Variants in PUDP observed in about 807,000 individuals in gnomAD.
The protein encoded by PUDP is pseudouridine-5'-phosphatase.
A neutral mutation model predicts 9.4 loss-of-function variants in PUDP; 8 were observed. The observed-to-expected ratio is 0.85, with a 90% confidence interval of 0.50 to 1.53. PUDP has a LOEUF of 1.53. Among genes scored for constraint, PUDP ranks in the 40% most tolerant of loss-of-function variants. The pLI, the probability that PUDP is intolerant of heterozygous loss-of-function variation, is 0.00. For synonymous variants in PUDP, 99 were observed against 80.7 expected (o/e 1.23, Z -1.22); for missense variants, 188 against 189.7 (o/e 0.99, Z 0.05).
intron 1 of PUDP, among the ~76,000 whole-genome samples, chrX:6,719,863 T>C (rs1017397651): frequency 2.7e-5 from 3 of 111,775 alleles, no homozygotes; most frequent in African/African-American, 9.8e-5. Context: ...ATAAGTCACA[T>C]TGATAAACTG....
intron 3 of PUDP, among the ~76,000 whole-genome samples, chrX:6,765,898 C>T (rs967826716): frequency 3.1e-4 from 35 of 111,518 alleles, no homozygotes; most frequent in African/African-American, 1.1e-3. Flanking sequence ...TGAGTGAAGG[C>T]CAAACGGGGT....
chrX:6,747,254 T>TG, intron 3 of PUDP, among the ~76,000 whole-genome samples: 1 of 112,186 alleles, frequency 8.9e-6, no homozygotes, highest in Middle Eastern at 4.6e-3. Context: ...GGGCAGTGTC[T>TG]GTGCTTGAAT....
At chrX:7,099,298 A>AT (rs779350236) in intron 2 of PUDP, among the ~76,000 whole-genome samples, 1 of 112,570 alleles carries the variant, frequency 8.9e-6, no homozygotes, top group Non-Finnish European at 1.9e-5. Flanking sequence ...CTAAGTGAAG[A>AT]TTTTTTTTAA....
intron 3 of PUDP, among the ~76,000 whole-genome samples, chrX:6,935,485 T>C (rs867400067): frequency 0.018 from 181 of 9,991 alleles, 5 homozygotes; most frequent in African/African-American, 0.066. Context: ...TTCAAAGCAG[T>C]GTGTAGAGGG....
At chrX:7,079,732 G>C (rs1024964421) in intron 2 of PUDP, among the ~76,000 whole-genome samples, 3 of 112,292 alleles carry the variant, frequency 2.7e-5, no homozygotes, top group Non-Finnish European at 5.6e-5. Context: ...AATCACAAAG[G>C]GAAACTAGGT....
chrX:7,098,522 C>G (rs1200423919), intron 2 of PUDP, among the ~76,000 whole-genome samples: 4 of 111,718 alleles, frequency 3.6e-5, no homozygotes, highest in African/African-American at 1.3e-4. Flanking sequence ...AGTTTCAACA[C>G]TAGATTTGGG....
intron 3 of PUDP, among the ~76,000 whole-genome samples, chrX:6,759,916 C>T (rs975541588): frequency 1.0e-4 from 5 of 48,663 alleles, no homozygotes; most frequent in Non-Finnish European, 1.7e-4. Context: ...TGCATGCCCT[C>T]GATATCATGG....
intron 3 of PUDP, among the ~76,000 whole-genome samples, chrX:6,846,210 C>T (rs1926744050): frequency 9.1e-6 from 1 of 110,210 alleles, no homozygotes; most frequent in Non-Finnish European, 1.9e-5. Flanking sequence ...CGAGACCATC[C>T]TGGCTAACAC....
At chrX:6,980,073 T>TTTCTC (rs1328402070) in intron 1 of PUDP, among the ~76,000 whole-genome samples, 1 of 108,909 alleles carries the variant, frequency 9.2e-6, no homozygotes, top group Non-Finnish European at 1.9e-5. Context: ...TCTTTTCTCA[T>TTTCTC]TTCTCTTCTC....
At chrX:6,994,019 C>T (rs762710681) in intron 1 of PUDP, among the ~76,000 whole-genome samples, 1 of 112,577 alleles carries the variant, frequency 8.9e-6, no homozygotes, top group Non-Finnish European at 1.9e-5. Context: ...CTATTGAGTC[C>T]ATCAGAAATA....
intron 1 of PUDP, among the ~76,000 whole-genome samples, chrX:7,043,328 C>G (rs752714905): frequency 9.1e-6 from 1 of 110,494 alleles, no homozygotes; most frequent in African/African-American, 3.3e-5. Context: ...TTCAATCCTA[C>G]AAGAGCTGAT....
chrX:7,088,458 C>G (rs758580993), intron 2 of PUDP, among the ~76,000 whole-genome samples: 11 of 111,665 alleles, frequency 9.9e-5, no homozygotes, highest in Non-Finnish European at 1.5e-4. Flanking sequence ...AGTGCCCCTC[C>G]TCCAGGCAGG....
chrX:6,765,135 C>G (rs949167268), intron 3 of PUDP, among the ~76,000 whole-genome samples: 4 of 109,664 alleles, frequency 3.6e-5, no homozygotes, highest in Non-Finnish European at 7.6e-5. Context: ...CAAAAATTAT[C>G]TGGGTGTGGT....
rs746389031 is a variant in PUDP at position 7,120,682 on chromosome X, T to C, written c.62-14844A>G. Among the ~76,000 whole-genome samples the C allele has an allele frequency of 4.4e-5, 5 of 112,510 alleles. No homozygotes were observed. The East Asian group carries it at 1.4e-3, about 31-fold the overall frequency. On this transcript the variant is annotated intron_variant, in intron 1 of 3. Coordinates refer to ENST00000381077, the MANE Select transcript of PUDP (RefSeq NM_012080.5). ...TGTTTACTCAAGAAAGAAAAGCCTATGTTTACACAAAGACTTAGGCACAGA... is the reference window on the plus strand; with the variant it reads ...TGTTTACTCAAGAAAGAAAAGCCTACGTTTACACAAAGACTTAGGCACAGA...
intron 1 of PUDP, among the ~76,000 whole-genome samples, chrX:7,116,151 T>C (rs1223589324): frequency 2.7e-5 from 3 of 111,567 alleles, no homozygotes; most frequent in African/African-American, 9.8e-5. Flanking sequence ...CAAATGCAGG[T>C]TGGGGAGCTG....
intron 3 of PUDP, among the ~76,000 whole-genome samples, chrX:6,959,085 T>C (rs982205059): frequency 8.9e-5 from 10 of 111,770 alleles, no homozygotes; most frequent in African/African-American, 3.3e-4. Context: ...AGGTCAAGAA[T>C]GAAAGAGCAT....
intron 3 of PUDP, 41 bp downstream of exon 3, chrX:7,077,179 A>G (rs1310042396): frequency 8.6e-7 from 1 of 1,163,956 alleles, no homozygotes; most frequent in African/African-American, 1.8e-5. Context: ...TTGGTGGAAC[A>G]TGGTTGTGGA....
At chrX:7,019,241 C>G (rs1356075527) in intron 1 of PUDP, among the ~76,000 whole-genome samples, 1 of 112,025 alleles carries the variant, frequency 8.9e-6, no homozygotes, top group Non-Finnish European at 1.9e-5. Flanking sequence ...CCTAAGAACC[C>G]TCTCTTGGGG....
chrX:7,084,156 C>T (rs1931195585), intron 2 of PUDP, among the ~76,000 whole-genome samples: 1 of 111,221 alleles, frequency 9.0e-6, no homozygotes, highest in South Asian at 3.8e-4. Flanking sequence ...TTCCTGGAAA[C>T]TTTACCAGGC....
Sources: allele counts gnomAD v4.1 joint callset (sites outside exome capture counted in the v4.1 genomes callset), GRCh38; gene constraint gnomAD v4.1.1; transcripts MANE v1.5; gene names NCBI Gene and HGNC (gene_info 2026-07-23, HGNC 2026-07-21).